ZC3H13: variants seen among roughly 807,000 people sequenced by gnomAD.
ZC3H13 encodes the protein zinc finger CCCH-type containing 13.
In ZC3H13, 64 loss-of-function variants were observed where a neutral mutation model predicts 204.1. The observed-to-expected ratio is 0.31, with a 90% CI of 0.26 to 0.39. The LOEUF is 0.39. Among genes scored for constraint, ZC3H13 ranks in the 10% least tolerant of loss-of-function variants. The pLI is 1.00. For missense variants in ZC3H13, 1,833 were observed against 2,082.7 expected (o/e 0.88, Z 2.33); for synonymous variants, 667 against 693.7 (o/e 0.96, Z 0.60).
At chr13:45,963,109 A>G in intron 17 of ZC3H13, 10 of 975,178 alleles carry the variant, frequency 1.0e-5, no homozygotes, top group Non-Finnish European at 1.2e-5. Flanking sequence ...ATTTGCTCCT[A>G]ATTACCATAG....
chr13:46,009,057 G>A (rs2041358138), intron 7 of ZC3H13, among the ~76,000 whole-genome samples: 2 of 152,088 alleles, frequency 1.3e-5, no homozygotes, highest in South Asian at 4.1e-4. Context: ...GAAATATAAT[G>A]CAACAGGCAA....
chr13:45,963,123 G>T lies in ZC3H13; in HGVS notation c.4675+719C>A, dbSNP rs1247857452. ...CATTTGCTCCTAATTACCATAGGAA[G>T]TTGGTGGTATGATTATTCCTGACTT... On this transcript the variant is annotated intron_variant, in intron 17 of 18. Transcript: ENST00000679008. The T allele has an allele frequency of 6.2e-6, 6 of 964,072 alleles. No homozygotes were observed. The African/African-American group carries it at 8.8e-5, about 14-fold the overall frequency. 59.7% of individuals were successfully genotyped at this position (964,072 alleles called of 1,614,324 possible).
chr13:46,006,273 C>T (rs2041143592), intron 7 of ZC3H13, among the ~76,000 whole-genome samples: 1 of 151,772 alleles, frequency 6.6e-6, no homozygotes, highest in African/African-American at 2.4e-5. Context: ...CCTGCTGCCC[C>T]GCCACCAAGT....
intron 1 of ZC3H13, chr13:46,052,074 T>C (rs2044487817): frequency 6.6e-6 from 1 of 151,838 alleles, no homozygotes; most frequent in African/African-American, 2.4e-5. Context: ...AGGAAGATTC[T>C]AAATTTAAGC....
chr13:46,030,156 A>G (rs2042802551), intron 4 of ZC3H13, among the ~76,000 whole-genome samples: 1 of 145,584 alleles, frequency 6.9e-6, no homozygotes, highest in African/African-American at 2.6e-5. Flanking sequence ...GCTATAGGAA[A>G]AGCATTTGAT....
At chr13:46,045,778 T>C (rs2043909589) in intron 1 of ZC3H13, among the ~76,000 whole-genome samples, 2 of 152,204 alleles carry the variant, frequency 1.3e-5, no homozygotes, top group South Asian at 4.1e-4. Flanking sequence ...TGAACGAATA[T>C]GATCCTACTC....
intron 8 of ZC3H13, among the ~76,000 whole-genome samples, 166 bp from the exon 9 acceptor site, chr13:45,989,263 G>A (rs947059526): frequency 6.6e-6 from 1 of 152,054 alleles, no homozygotes; most frequent in Admixed American, 6.6e-5. Flanking sequence ...CTTTTTTAAC[G>A]ACGTGACTTA....
Position 45,975,591 on chromosome 13 carries a change from T to G in ZC3H13, c.2160A>C (p.Glu720Asp), listed in dbSNP as rs1326485748. ...ERAREREREREKERDRERDRD... is the reference protein window; with the variant it reads ...ERARERERERDKERDRERDRD... ...TATCCCTTTCACGATCTCTCTCTTTTTCTCTTTCTCTCTCCCGTTCCCTAG... is the reference window on the plus strand; with the variant it reads ...TATCCCTTTCACGATCTCTCTCTTTGTCTCTTTCTCTCTCCCGTTCCCTAG... Residue 720 changes from glutamate (E) to aspartate (D), a missense_variant, in exon 12 of 19, where the codon GAA becomes GAC. Glu to Asp is a conservative substitution (Grantham distance 45). Coordinates refer to ENST00000679008, the MANE Select transcript of ZC3H13 (RefSeq NM_001330564.2). 2.5e-6 allele frequency: 4 copies of G among 1,568,832 alleles called. No homozygotes were observed. In the African/African-American group the frequency reaches 5.5e-5, roughly 21 times the overall value.
chr13:45,967,990 A>C lies in ZC3H13; in HGVS notation c.3835T>G (p.Ser1279Ala). 1 of 1,610,560 alleles carries C rather than the reference A, an allele frequency of 6.2e-7. No homozygotes were observed. Among genetic ancestry groups the C allele is most frequent in the Non-Finnish European group, 8.5e-7 (1 of 1,178,764 alleles). Residue 1279 changes from serine (S) to alanine (A), a missense_variant, in exon 15 of 19, where the codon TCT becomes GCT. Ser to Ala is a moderately conservative substitution (Grantham distance 99, BLOSUM62 1). Transcript: ENST00000679008. ...TGGACCTGTCGATCTGACTCTGGAG[A>C]ACTTCTTCTTGAACTATGGCTTCTT... ...DSRSHSSRRS[S>A]PESDRQVHSR...
intron 8 of ZC3H13, among the ~76,000 whole-genome samples, chr13:45,993,802 T>C (rs1048482826): frequency 6.6e-6 from 1 of 152,230 alleles, no homozygotes; most frequent in Non-Finnish European, 1.5e-5. Flanking sequence ...CTTACAGAAC[T>C]AGGAGGACAC....
chr13:45,983,226 A>G (rs933350619), intron 10 of ZC3H13, among the ~76,000 whole-genome samples: 2 of 151,526 alleles, frequency 1.3e-5, no homozygotes, highest in Non-Finnish European at 2.9e-5. Flanking sequence ...TAACAAATAC[A>G]TATCCCAAAG....
intron 1 of ZC3H13, among the ~76,000 whole-genome samples, chr13:46,046,433 C>A (rs891534075): frequency 1.5e-4 from 22 of 146,630 alleles, no homozygotes; most frequent in Non-Finnish European, 3.0e-4. Context: ...CCGAGGCGGG[C>A]GGATCATGAG....
At chr13:46,045,577 C>T (rs545397734) in intron 1 of ZC3H13, 61 bp from the exon 2 acceptor site, 2 of 1,133,198 alleles carry the variant, frequency 1.8e-6, no homozygotes, top group Admixed American at 3.4e-5. Context: ...TAACTGAGCC[C>T]ACAGCTTACA....
At chr13:46,019,414 G>C (rs1490384592) in intron 5 of ZC3H13, among the ~76,000 whole-genome samples, 1 of 152,032 alleles carries the variant, frequency 6.6e-6, no homozygotes, top group Non-Finnish European at 1.5e-5. Context: ...CCTGGTCTAA[G>C]TTTTCAGCTT....
intron 17 of ZC3H13, among the ~76,000 whole-genome samples, chr13:45,961,120 G>GA (rs1177513381): frequency 6.6e-6 from 1 of 151,976 alleles, no homozygotes; most frequent in Non-Finnish European, 1.5e-5. Context: ...TACCTTAAGG[G>GA]AAAAAAGGGG....
intron 4 of ZC3H13, among the ~76,000 whole-genome samples, chr13:46,036,830 T>C (rs2043238907): frequency 6.6e-6 from 1 of 152,130 alleles, no homozygotes; most frequent in Non-Finnish European, 1.5e-5. Flanking sequence ...GTAATTCTCC[T>C]GGCTCAGCCT....
intron 4 of ZC3H13, among the ~76,000 whole-genome samples, chr13:46,024,381 T>C (rs992998041): frequency 6.6e-6 from 1 of 152,172 alleles, no homozygotes; most frequent in African/African-American, 2.4e-5. Context: ...TAGTAAACAC[T>C]CTCAATTTTA....
intron 17 of ZC3H13, among the ~76,000 whole-genome samples, chr13:45,959,865 A>C (rs1951547730): frequency 6.6e-6 from 1 of 152,198 alleles, no homozygotes; most frequent in Admixed American, 6.5e-5. Flanking sequence ...AGCCACTTTA[A>C]ATTTACTTAA....
intron 13 of ZC3H13, 76 bp downstream of exon 13, chr13:45,970,286 C>A: frequency 6.8e-7 from 1 of 1,481,108 alleles, no homozygotes; most frequent in South Asian, 1.2e-5. Context: ...TCATCAGTTC[C>A]TACTAGTATG....
Sources: allele counts gnomAD v4.1 joint callset (sites outside exome capture counted in the v4.1 genomes callset), GRCh38; gene constraint gnomAD v4.1.1; transcripts MANE v1.5; gene names NCBI Gene and HGNC (gene_info 2026-07-23, HGNC 2026-07-21).